MBD5: variants seen among roughly 807,000 people sequenced by gnomAD.
MBD5 encodes methyl-CpG-binding domain protein 5.
MBD5 carries 13 observed loss-of-function variants against 117.3 expected under a neutral mutation model. The ratio of observed to expected loss-of-function variants is 0.11; its 90% CI spans 0.07 to 0.18. MBD5 has a LOEUF of 0.18. Ranked by LOEUF, MBD5 falls within the 10% of genes least tolerant of loss-of-function variation. The pLI, the probability that MBD5 is intolerant of heterozygous loss-of-function variation, is 1.00. For missense variants in MBD5, 1,879 were observed against 2,093.8 expected, an observed-to-expected ratio of 0.90 and a Z score of 2.00; for synonymous variants, 727 against 766.4, an observed-to-expected ratio of 0.95 and a Z score of 0.85.
Position 148,483,788 on chromosome 2 carries a change from C to G in MBD5, c.3197C>G (p.Thr1066Ser), listed in dbSNP as rs1376918733. ...TTACCAAGCTTTGCAGGCAGTGACA[C>G]TACTTTTAACCCCCTGTTCCTCCCA... Reference protein sequence around the residue: ...NPLPSFAGSDTTFNPLFLPAV... With the variant: ...NPLPSFAGSDSTFNPLFLPAV... The change falls in exon 9 of 14, where the codon ACT becomes AGT. Residue 1066 changes from threonine (T) to serine (S), a missense_variant. Physicochemically the swap from Thr to Ser is moderately conservative, Grantham distance 58 (BLOSUM62 1). Coordinates refer to ENST00000642680, the MANE Select transcript of MBD5 (RefSeq NM_001378120.1). 6.4e-7 allele frequency: 1 copy of G among 1,550,494 alleles called. No individual in the cohort carries two copies. Among genetic ancestry groups the G allele is most frequent in the Non-Finnish European group, 8.7e-7 (1 of 1,146,990 alleles).
chr2:148,385,209 A>T (rs991766211), intron 4 of MBD5, among the ~76,000 whole-genome samples: 35 of 152,310 alleles, frequency 2.3e-4, no homozygotes, highest in Non-Finnish European at 4.1e-4. Context: ...TTGGCAACGT[A>T]CTCATCTGAC....
intron 2 of MBD5, among the ~76,000 whole-genome samples, chr2:148,221,643 G>T (rs1039756409): frequency 6.6e-6 from 1 of 151,814 alleles, no homozygotes; most frequent in African/African-American, 2.4e-5. Context: ...TGAGCTCCTT[G>T]TATATTCTAG....
chr2:148,082,850 A>C (rs1444602315), intron 1 of MBD5, among the ~76,000 whole-genome samples: 1 of 152,250 alleles, frequency 6.6e-6, no homozygotes, highest in Non-Finnish European at 1.5e-5. Context: ...TGTTTCCAAC[A>C]AAATACGTAG....
chr2:148,082,192 T>A (rs1695664210), intron 1 of MBD5, among the ~76,000 whole-genome samples: 1 of 152,166 alleles, frequency 6.6e-6, no homozygotes, highest in Non-Finnish European at 1.5e-5. Flanking sequence ...TTTCCACAAT[T>A]TTAGGCTGAA....
In MBD5 at chr2:148,422,785, C is replaced by T. The variant is rs185919559; in HGVS notation, c.-556-35418C>T. Reference sequence around the variant, plus strand: ...AACACAGCACGAGAACTTCGTGAAGCATACACAAGTATCAATAGCCAAAAT... The same window carrying T: ...AACACAGCACGAGAACTTCGTGAAGTATACACAAGTATCAATAGCCAAAAT... On this transcript the variant is annotated intron_variant, in intron 4 of 13. Transcript: ENST00000642680. Among the ~76,000 whole-genome samples, 802 of 152,178 alleles carry T rather than the reference C, an allele frequency of 5.3e-3. 3 individuals are homozygous for T. The highest frequency in any genetic ancestry group is 9.0e-3 in the Non-Finnish European group (613 of 68,012).
chr2:148,280,256 A>C (rs571361577), intron 3 of MBD5, among the ~76,000 whole-genome samples: 1 of 152,208 alleles, frequency 6.6e-6, no homozygotes, highest in Non-Finnish European at 1.5e-5. Flanking sequence ...CCTTTAGTTA[A>C]ACAATCCATG....
rs181399631 is a variant in MBD5, at chr2:148,453,375, G to A, written c.-556-4828G>A. On this transcript the variant is annotated intron_variant, in intron 4 of 13. Coordinates refer to ENST00000642680, the MANE Select transcript of MBD5 (RefSeq NM_001378120.1). ...AAGGAATCAGGAAACTGAAAACATT[G>A]GTGGAATTGTGGCAGGTATCTCCCT... is the stretch of plus-strand genomic sequence containing the variant. Among the ~76,000 whole-genome samples, 118 of 152,150 alleles carry A rather than the reference G, an allele frequency of 7.8e-4. 1 individual carries two copies. The highest frequency in any genetic ancestry group is 1.3e-3 in the Non-Finnish European group (89 of 67,986).
chr2:148,170,071 G>C (rs1019591746), intron 1 of MBD5, among the ~76,000 whole-genome samples: 2 of 151,980 alleles, frequency 1.3e-5, no homozygotes, highest in African/African-American at 4.8e-5. Flanking sequence ...CTAATTTTTT[G>C]TATTTTTAGT....
At chr2:148,142,069 G>A (rs191297314) in intron 1 of MBD5, among the ~76,000 whole-genome samples, 4 of 152,184 alleles carry the variant, frequency 2.6e-5, no homozygotes, top group African/African-American at 9.6e-5. Context: ...CAAAAAAACC[G>A]AAGCGATAAA....
At chr2:148,462,760 A>T (rs1210436543) in intron 6 of MBD5, 76 bp downstream of exon 6, 1 of 981,718 alleles carries the variant, frequency 1.0e-6, no homozygotes, top group Non-Finnish European at 1.6e-6. Flanking sequence ...CTCATTTGGA[A>T]TTTTATTTTT....
At chr2:148,397,758 C>T (rs1466102218) in intron 4 of MBD5, among the ~76,000 whole-genome samples, 6 of 151,748 alleles carry the variant, frequency 4.0e-5, no homozygotes, top group Admixed American at 2.0e-4. Flanking sequence ...CCCGTTAACT[C>T]CTCATTTAGC....
chr2:148,131,784 GTAAA>G (rs1697054813), intron 1 of MBD5, among the ~76,000 whole-genome samples: 1 of 152,124 alleles, frequency 6.6e-6, no homozygotes, highest in Non-Finnish European at 1.5e-5. Flanking sequence ...ATTTTAAATG[GTAAA>G]TAGAGTGCTA....
chr2:148,362,326 T>A (rs1047823585), intron 4 of MBD5, among the ~76,000 whole-genome samples: 19 of 152,122 alleles, frequency 1.2e-4, no homozygotes, highest in African/African-American at 4.6e-4. Context: ...TTACTGAGGC[T>A]TCAGTAGGCG....
chr2:148,457,361 T>C (rs992317205), intron 4 of MBD5, among the ~76,000 whole-genome samples: 2 of 152,110 alleles, frequency 1.3e-5, no homozygotes, highest in Non-Finnish European at 2.9e-5. Flanking sequence ...GTATATTAAA[T>C]TGGTCATAAA....
Position 148,150,834 on chromosome 2 carries a change from A to C in MBD5, c.-924-27866A>C, listed in dbSNP as rs548397963. 2.6e-5 allele frequency among the ~76,000 whole-genome samples: 4 copies of C among 152,184 alleles called. No individual in the cohort carries two copies. The South Asian group carries it at 8.3e-4, about 32-fold the overall frequency. ...TGAAGTTGCTTATCAGCTTAAGGAGATTTTGGGCTGAGACAATGGGGTGTT... is the reference window on the plus strand; with the variant it reads ...TGAAGTTGCTTATCAGCTTAAGGAGCTTTTGGGCTGAGACAATGGGGTGTT... On this transcript the variant is annotated intron_variant, in intron 1 of 13. Transcript: ENST00000642680.
At chr2:148,326,685 C>T (rs1232634806) in intron 3 of MBD5, among the ~76,000 whole-genome samples, 2 of 151,664 alleles carry the variant, frequency 1.3e-5, no homozygotes, top group South Asian at 2.1e-4. Context: ...TTTCCATTTG[C>T]TTGGTAGATC....
chr2:148,077,912 C>T (rs1170432367), intron 1 of MBD5, among the ~76,000 whole-genome samples: 1 of 151,902 alleles, frequency 6.6e-6, no homozygotes, highest in South Asian at 2.1e-4. Flanking sequence ...TTGGGAGACT[C>T]GATAGATTAA....
chr2:148,080,223 T>A lies in MBD5; in HGVS notation c.-925+58539T>A, dbSNP rs574828470. Among the ~76,000 whole-genome samples the A allele has an allele frequency of 4.6e-5, 7 of 152,220 alleles. No homozygotes were observed. In the South Asian group the frequency reaches 1.5e-3, roughly 32 times the overall value. On this transcript the variant is annotated intron_variant, in intron 1 of 13. Coordinates refer to ENST00000642680, the MANE Select transcript of MBD5 (RefSeq NM_001378120.1). ...GGCATTCATGTACTGAATGTTTGAG[T>A]CAGTTTTGGTACAATGGAAGCATTT... is the stretch of plus-strand genomic sequence containing the variant.
chr2:148,437,327 G>T (rs539490040), intron 4 of MBD5, among the ~76,000 whole-genome samples: 1 of 152,032 alleles, frequency 6.6e-6, no homozygotes, highest in South Asian at 2.1e-4. Context: ...TTAAATCTTG[G>T]GTGCAATATT....
Sources: allele counts gnomAD v4.1 joint callset (sites outside exome capture counted in the v4.1 genomes callset), GRCh38; gene constraint gnomAD v4.1.1; transcripts MANE v1.5; gene names NCBI Gene and HGNC (gene_info 2026-07-23, HGNC 2026-07-21).